Variants in RBFOX1 observed in about 807,000 individuals in gnomAD.
The protein encoded by RBFOX1 is RNA binding fox-1 homolog 1.
In RBFOX1, 8 loss-of-function variants were observed where a neutral mutation model predicts 57.7. The ratio of observed to expected loss-of-function variants is 0.14; its 90% CI spans 0.08 to 0.25. RBFOX1 has a LOEUF of 0.25. Ranked by LOEUF, RBFOX1 falls within the 10% of genes least tolerant of loss-of-function variation. RBFOX1 has a pLI of 1.00. For synonymous variants in RBFOX1, 326 were observed against 222.4 expected, an observed-to-expected ratio of 1.47 and a Z score of -4.15; for missense variants, 611 against 548.5, an observed-to-expected ratio of 1.11 and a Z score of -1.14.
chr16:6,509,206 G>T (rs1028044130), intron 2 of RBFOX1, among the ~76,000 whole-genome samples: 3 of 152,224 alleles, frequency 2.0e-5, no homozygotes, highest in East Asian at 1.9e-4. Context: ...GGTATTTTTG[G>T]GGGGAGCTGG....
chr16:5,904,849 C>T (rs184478264), intron 4 of RBFOX1, among the ~76,000 whole-genome samples: 3,396 of 151,116 alleles, frequency 0.022, 53 homozygotes, highest in Middle Eastern at 0.041. Flanking sequence ...TGGTGGTGGG[C>T]GCCTGTAGTC....
chr16:5,273,799 A>G (rs2063075381), intron 1 of RBFOX1, among the ~76,000 whole-genome samples: 1 of 152,154 alleles, frequency 6.6e-6, no homozygotes. Flanking sequence ...AGCTGGAAGA[A>G]TGGAGAGTTC....
intron 4 of RBFOX1, among the ~76,000 whole-genome samples, chr16:7,506,184 C>CAAAAAAAAA (rs552568132): frequency 2.4e-4 from 12 of 49,944 alleles, no homozygotes; most frequent in African/African-American, 5.9e-4. Flanking sequence ...GACTCTGTCT[C>CAAAAAAAAA]AAAAAAAAAA....
chr16:7,270,435 C>T (rs1041105103), intron 4 of RBFOX1, among the ~76,000 whole-genome samples: 2 of 152,114 alleles, frequency 1.3e-5, no homozygotes, highest in African/African-American at 4.8e-5. Context: ...AAGATACCAT[C>T]GGGCAGATTC....
At chr16:6,857,411 C>T (rs910742684) in intron 3 of RBFOX1, among the ~76,000 whole-genome samples, 1 of 150,448 alleles carries the variant, frequency 6.6e-6, no homozygotes, top group Admixed American at 6.6e-5. Context: ...TGGGAGAGGT[C>T]AAATCCCATG....
chr16:7,245,667 TTTTG>T (rs943712982), intron 4 of RBFOX1, among the ~76,000 whole-genome samples: 25 of 152,334 alleles, frequency 1.6e-4, no homozygotes, highest in Admixed American at 4.6e-4. Flanking sequence ...AGCCTTATGT[TTTTG>T]TTTGTTTGTT....
chr16:6,177,647 C>G (rs1417027792), intron 1 of RBFOX1, among the ~76,000 whole-genome samples: 4 of 152,112 alleles, frequency 2.6e-5, no homozygotes, highest in African/African-American at 9.7e-5. Context: ...TAAAGATGCT[C>G]AAATGAACAT....
chr16:7,280,073 T>C (rs997341627), intron 4 of RBFOX1, among the ~76,000 whole-genome samples: 4 of 152,240 alleles, frequency 2.6e-5, no homozygotes, highest in African/African-American at 7.2e-5. Context: ...TCAAAACAGA[T>C]TGTGCCTGCT....
intron 3 of RBFOX1, among the ~76,000 whole-genome samples, chr16:6,729,699 A>G (rs1334946813): frequency 2.0e-5 from 3 of 152,108 alleles, no homozygotes; most frequent in Admixed American, 2.0e-4. Flanking sequence ...AGTTTGTTGG[A>G]AGGTAGAGTG....
At chr16:7,522,992 C>G (rs886824172) in intron 5 of RBFOX1, among the ~76,000 whole-genome samples, 1 of 152,148 alleles carries the variant, frequency 6.6e-6, no homozygotes, top group African/African-American at 2.4e-5. Flanking sequence ...TCCTCCCCTC[C>G]TCCTCCTTGC....
chr16:5,859,229 A>C (rs2057149995), intron 3 of RBFOX1, among the ~76,000 whole-genome samples: 2 of 152,058 alleles, frequency 1.3e-5, no homozygotes, highest in Non-Finnish European at 2.9e-5. Context: ...AAACAAAAAC[A>C]ACCCTGTAGG....
chr16:6,254,715 G>A (rs997335892), intron 1 of RBFOX1, among the ~76,000 whole-genome samples: 1 of 151,994 alleles, frequency 6.6e-6, no homozygotes, highest in Non-Finnish European at 1.5e-5. Flanking sequence ...AAATTTTAAA[G>A]CATTTTGAAA....
intron 2 of RBFOX1, among the ~76,000 whole-genome samples, chr16:6,587,640 A>C (rs764603827): frequency 6.6e-6 from 1 of 152,190 alleles, no homozygotes; most frequent in Non-Finnish European, 1.5e-5. Flanking sequence ...CATGACAGAC[A>C]AGTAAAAAAG....
chr16:5,533,342 G>A (rs904058682), intron 2 of RBFOX1, among the ~76,000 whole-genome samples: 1 of 152,160 alleles, frequency 6.6e-6, no homozygotes, highest in Non-Finnish European at 1.5e-5. Context: ...ATTTCAAAAG[G>A]AAAGGTGCCC....
chr16:6,211,817 A>ATATT (rs1198814403), intron 1 of RBFOX1, among the ~76,000 whole-genome samples: 7 of 143,762 alleles, frequency 4.9e-5, no homozygotes, highest in African/African-American at 1.8e-4. Flanking sequence ...AAAGGAATAC[A>ATATT]TCTTTTATTT....
At chr16:7,177,214 C>G (rs1317794585) in intron 4 of RBFOX1, among the ~76,000 whole-genome samples, 2 of 152,140 alleles carry the variant, frequency 1.3e-5, no homozygotes, top group African/African-American at 4.8e-5. Flanking sequence ...CAACCGCTTC[C>G]AATCAAAGGG....
intron 5 of RBFOX1, among the ~76,000 whole-genome samples, chr16:7,522,434 T>C (rs1250345881): frequency 1.3e-5 from 2 of 152,178 alleles, no homozygotes; most frequent in East Asian, 3.9e-4. Flanking sequence ...GAAGACATTA[T>C]TGAAGTGACA....
At chr16:6,449,413 A>G (rs564819759) in intron 2 of RBFOX1, among the ~76,000 whole-genome samples, 1 of 152,304 alleles carries the variant, frequency 6.6e-6, no homozygotes, top group African/African-American at 2.4e-5. Flanking sequence ...CCAGGCTGTG[A>G]GTTTCTTTGG....
At chr16:7,075,016 G>T (rs1409944855) in intron 4 of RBFOX1, among the ~76,000 whole-genome samples, 1 of 152,144 alleles carries the variant, frequency 6.6e-6, no homozygotes, top group South Asian at 2.1e-4. Context: ...TAAAGAAAAA[G>T]AGAAAAAAGG....
Sources: gnomAD v4.1 joint callset for allele counts (sites outside exome capture counted in the v4.1 genomes callset) on GRCh38, gnomAD v4.1.1 for gene constraint, MANE v1.5 for transcripts, NCBI Gene and HGNC (gene_info 2026-07-23, HGNC 2026-07-21) for gene names.